The following KAZN variants were observed in gnomAD, a reference collection of about 807,000 sequenced individuals.
The protein encoded by KAZN is kazrin, periplakin interacting protein.
In KAZN, 40 loss-of-function variants were observed where a neutral mutation model predicts 87.4. The ratio of observed to expected loss-of-function variants is 0.46; its 90% CI spans 0.36 to 0.60. KAZN has a LOEUF of 0.60. Ranked by LOEUF, KAZN falls within the 20% of genes least tolerant of loss-of-function variation. KAZN has a pLI of 0.00. For synonymous variants in KAZN, 466 were observed against 458.3 expected (o/e 1.02, Z -0.22); for missense variants, 898 against 1,073.9 (o/e 0.84, Z 2.29).
chr1:14,771,641 C>T (rs1645021938), intron 1 of KAZN, among the ~76,000 whole-genome samples: 1 of 152,078 alleles, frequency 6.6e-6, no homozygotes. Context: ...GCCTGACCAA[C>T]ATGGTGAAAC....
At chr1:14,448,071 T>C (rs1667082114) in intron 2 of KAZN, among the ~76,000 whole-genome samples, 1 of 152,152 alleles carries the variant, frequency 6.6e-6, no homozygotes, top group South Asian at 2.1e-4. Context: ...CAAACTGTGG[T>C]TAAGATTGTT....
At chr1:14,551,975 ATTTC>A (rs979239549) in intron 2 of KAZN, among the ~76,000 whole-genome samples, 5 of 151,658 alleles carry the variant, frequency 3.3e-5, no homozygotes, top group South Asian at 2.1e-4. Flanking sequence ...TCTTCTTTTT[ATTTC>A]TTTCTTTCTT....
At chr1:14,143,315 G>T (rs1645279748) in intron 1 of KAZN, among the ~76,000 whole-genome samples, 1 of 152,144 alleles carries the variant, frequency 6.6e-6, no homozygotes, top group Non-Finnish European at 1.5e-5. Flanking sequence ...ACACCAGCCT[G>T]TTAGGAAGTC....
At chr1:13,982,332 G>A (rs186779303) in intron 1 of KAZN, among the ~76,000 whole-genome samples, 16 of 152,272 alleles carry the variant, frequency 1.1e-4, no homozygotes, top group Admixed American at 5.2e-4. Context: ...TTAAGGGAGC[G>A]CGTCTGGAGT....
intron 1 of KAZN, among the ~76,000 whole-genome samples, chr1:14,803,418 G>A (rs1286592055): frequency 2.6e-5 from 4 of 152,196 alleles, no homozygotes; most frequent in East Asian, 1.9e-4. Context: ...TTCAGGCATC[G>A]AGGTCCCTGG....
intron 2 of KAZN, among the ~76,000 whole-genome samples, chr1:14,357,817 C>T (rs185077257): frequency 1.4e-3 from 214 of 152,212 alleles, no homozygotes; most frequent in African/African-American, 4.9e-3. Flanking sequence ...CTGCTGGATT[C>T]GGTTTGCCAG....
chr1:14,972,041 T>G (rs1055440312), intron 2 of KAZN, among the ~76,000 whole-genome samples: 3 of 152,162 alleles, frequency 2.0e-5, no homozygotes, highest in African/African-American at 7.2e-5. Context: ...AGCTTTTAAT[T>G]AATCCACCCC....
chr1:14,867,724 A>ACCC lies in KAZN; in HGVS notation c.227-92951_227-92949dup, dbSNP rs1553148134. On this transcript the variant is annotated intron_variant, in intron 1 of 14. Transcript: ENST00000376030. ...TGCTTTACTCGGTGTCTTTGAAGAC[A>ACCC]CCCCCCCCCCCACCCTGGGCATGGA... 9.0e-3 allele frequency among the ~76,000 whole-genome samples: 967 copies of ACCC among 107,428 alleles called. 1 individual carries two copies. The highest frequency in any genetic ancestry group is 0.011 in the African/African-American group (307 of 26,960). The allele number at this position is 107,428 out of a possible 152,430, so 70.5% of individuals were successfully genotyped here.
chr1:14,158,903 T>G (rs2101820134), intron 1 of KAZN, among the ~76,000 whole-genome samples: 1 of 152,312 alleles, frequency 6.6e-6, no homozygotes, highest in African/African-American at 2.4e-5. Context: ...GAAATAATTC[T>G]TGCATTACCA....
intron 2 of KAZN, among the ~76,000 whole-genome samples, chr1:14,551,679 G>A (rs987832886): frequency 6.6e-6 from 1 of 152,092 alleles, no homozygotes; most frequent in East Asian, 1.9e-4. Flanking sequence ...TGGAGGGAGC[G>A]AGGTGAAGCG....
At chr1:14,857,277 C>G (rs1650245470) in intron 1 of KAZN, among the ~76,000 whole-genome samples, 1 of 152,194 alleles carries the variant, frequency 6.6e-6, no homozygotes, top group Non-Finnish European at 1.5e-5. Flanking sequence ...GTAATCCCAG[C>G]ACTTTGGGAG....
At chr1:13,952,950 G>A (rs1324006921) in intron 1 of KAZN, among the ~76,000 whole-genome samples, 1 of 152,076 alleles carries the variant, frequency 6.6e-6, no homozygotes, top group East Asian at 1.9e-4. Flanking sequence ...TAAGATATAG[G>A]GAGATACATT....
chr1:13,945,049 TA>T (rs1487024395), intron 1 of KAZN, among the ~76,000 whole-genome samples: 1 of 151,944 alleles, frequency 6.6e-6, no homozygotes, highest in Non-Finnish European at 1.5e-5. Flanking sequence ...TAGTGTCATT[TA>T]AAAAATATAA....
intron 6 of KAZN, chr1:15,061,045 A>C (rs1638749218): frequency 6.6e-6 from 1 of 152,222 alleles, no homozygotes; most frequent in African/African-American, 2.4e-5. Context: ...CAGACATCAT[A>C]GGGTTAGATC....
chr1:14,337,824 G>A (rs1261234915), intron 2 of KAZN, among the ~76,000 whole-genome samples: 2 of 151,348 alleles, frequency 1.3e-5, no homozygotes, highest in African/African-American at 4.9e-5. Flanking sequence ...AACTCAGGAG[G>A]CGGAGGTTAT....
chr1:14,530,102 C>T (rs1672127027), intron 2 of KAZN, among the ~76,000 whole-genome samples: 1 of 152,172 alleles, frequency 6.6e-6, no homozygotes, highest in Non-Finnish European at 1.5e-5. Context: ...CAGGGGAAGC[C>T]AGTGATCCTG....
chr1:15,050,081 T>TCTCC (rs1674160532), intron 4 of KAZN, among the ~76,000 whole-genome samples: 3 of 82,546 alleles, frequency 3.6e-5, no homozygotes, highest in Non-Finnish European at 4.3e-5. Context: ...TAGAGTAGAG[T>TCTCC]ACAGTAGAGT....
intron 1 of KAZN, among the ~76,000 whole-genome samples, chr1:14,960,265 C>T (rs1261837938): frequency 1.3e-5 from 2 of 152,134 alleles, no homozygotes; most frequent in Non-Finnish European, 1.5e-5. Context: ...CTCTGGGCAT[C>T]GATGTCCTAA....
intron 2 of KAZN, among the ~76,000 whole-genome samples, chr1:14,212,776 A>G (rs1328695270): frequency 6.6e-6 from 1 of 152,212 alleles, no homozygotes; most frequent in Non-Finnish European, 1.5e-5. Context: ...TCCTTCCAGT[A>G]GGAAATTTTA....
Sources: gnomAD v4.1 joint callset for allele counts (sites outside exome capture counted in the v4.1 genomes callset) on GRCh38, gnomAD v4.1.1 for gene constraint, MANE v1.5 for transcripts, NCBI Gene and HGNC (gene_info 2026-07-23, HGNC 2026-07-21) for gene names.